Variants in PCDHGB5 observed in about 807,000 individuals in gnomAD.
The protein encoded by PCDHGB5 is protocadherin gamma-B5.
In PCDHGB5, 48 loss-of-function variants were observed where a neutral mutation model predicts 62.9. That is an observed-to-expected ratio of 0.76 (90% CI 0.61 to 0.97). The LOEUF (loss-of-function observed/expected upper bound fraction) is 0.97, where lower values mean the gene tolerates loss of function less well. PCDHGB5 is among the 50% of genes least tolerant of loss of function. The pLI is 0.00. For synonymous variants in PCDHGB5, 474 were observed against 511.2 expected, an observed-to-expected ratio of 0.93 and a Z score of 0.98; for missense variants, 1,118 against 1,198.6, an observed-to-expected ratio of 0.93 and a Z score of 0.99.
chr5:141,414,193 A>C, intron 1 of PCDHGB5: 1 of 1,610,884 alleles, frequency 6.2e-7, no homozygotes, highest in Admixed American at 1.7e-5. Context: ...AGTGTTGATT[A>C]CAGTAGAAGA....
intron 1 of PCDHGB5, chr5:141,428,444 T>C (rs2097139811): frequency 5.3e-6 from 2 of 379,264 alleles, no homozygotes; most frequent in Non-Finnish European, 1.0e-5. Context: ...AGACCAGGGG[T>C]TTTTCCCAAC....
intron 1 of PCDHGB5, among the ~76,000 whole-genome samples, chr5:141,482,435 A>G (rs2099559555): frequency 6.6e-6 from 1 of 150,568 alleles, no homozygotes; most frequent in South Asian, 2.1e-4. Flanking sequence ...GATAATACTG[A>G]TATTCACCAT....
In PCDHGB5 at chr5:141,489,597, A is replaced by G; in HGVS notation, c.2398-5210A>G. 6.2e-7 allele frequency: 1 copy of G among 1,614,100 alleles called. No individual in the cohort carries two copies. The highest frequency in any genetic ancestry group is 1.3e-5 in the African/African-American group (1 of 75,040). ...AACACCCCCTGGAGCTAATCCGTGTAGAGGTAGAGATCCTGGATCTCAATG... is the reference window on the plus strand; with the variant it reads ...AACACCCCCTGGAGCTAATCCGTGTGGAGGTAGAGATCCTGGATCTCAATG... On this transcript the variant is annotated intron_variant, in intron 1 of 3. Transcript: ENST00000617380. The surrounding 1 kb of genome is among the most constrained non-coding windows in gnomAD (Gnocchi z 4.5).
chr5:141,466,496 GCA>G (rs2099123596), intron 1 of PCDHGB5, among the ~76,000 whole-genome samples: 1 of 152,120 alleles, frequency 6.6e-6, no homozygotes. Context: ...TTTAATTAGA[GCA>G]CAGACAAGAT....
rs561329093 is a variant in PCDHGB5 at position 141,509,163 on chromosome 5, C to A, written c.2546-1784C>A. Among the ~76,000 whole-genome samples the A allele has an allele frequency of 1.4e-4, 21 of 152,322 alleles. No individual in the cohort carries two copies. In the South Asian group the frequency reaches 4.1e-3, roughly 30 times the overall value. On this transcript the variant is annotated intron_variant, in intron 3 of 3. Coordinates refer to ENST00000617380, the MANE Select transcript of PCDHGB5 (RefSeq NM_018925.3). ...CATCCCGGCTCTCCCCTCCCGTGTG[C>A]CCTCCTCCTCTTATGCCGGCTTGAA...
rs1302496204 is a variant in PCDHGB5, at chr5:141,413,214, T to A, written c.2397+12690T>A. On this transcript the variant is annotated intron_variant, in intron 1 of 3. Coordinates refer to ENST00000617380, the MANE Select transcript of PCDHGB5 (RefSeq NM_018925.3). ...GGAATCGCTCAAAGGAATCAAAGGA[T>A]TGCAGCGGGCTGGTCCTGCTCTGCC... 6 of 1,613,176 alleles carry A rather than the reference T, an allele frequency of 3.7e-6. No homozygotes were observed. The African/African-American group carries it at 8.0e-5, about 22-fold the overall frequency.
At position 141,477,118 on chromosome 5, in the gene PCDHGB5, A is replaced by T. The variant is rs2099405787; in HGVS notation, c.2398-17689A>T. The T allele has an allele frequency of 6.2e-7, 1 of 1,614,228 alleles. No homozygotes were observed. Among genetic ancestry groups the T allele is most frequent in the Non-Finnish European group, 8.5e-7 (1 of 1,180,034 alleles). On this transcript the variant is annotated intron_variant, in intron 1 of 3. Coordinates refer to ENST00000617380, the MANE Select transcript of PCDHGB5 (RefSeq NM_018925.3). This position sits in a 1 kb window ranked among gnomAD's most constrained non-coding sequence, Gnocchi z 4.9. ...ACAAGGGCGCCAATCCCGAAGGAGC[A>T]CATTGCAAAGTGTTGGTGGAGGTTG...
Position 141,432,602 on chromosome 5 carries a change from G to A in PCDHGB5, c.2397+32078G>A. The A allele has an allele frequency of 6.2e-7, 1 of 1,613,966 alleles. No homozygotes were observed. Among genetic ancestry groups the A allele is most frequent in the Non-Finnish European group, 8.5e-7 (1 of 1,179,972 alleles). On this transcript the variant is annotated intron_variant, in intron 1 of 3. Transcript: ENST00000617380. This position sits in a 1 kb window ranked among gnomAD's most constrained non-coding sequence, Gnocchi z 6.0. ...CCGTCTGCTCAAGGCCAGCGAGCCG[G>A]GACTCTTCTCGGTGGGTCTGCACAC...
At chr5:141,427,883 C>T (rs2097084423) in intron 1 of PCDHGB5, 2 of 1,563,700 alleles carry the variant, frequency 1.3e-6, no homozygotes, top group African/African-American at 1.3e-5. Context: ...TGCAGGCCCA[C>T]GACCAGGGCT....
intron 1 of PCDHGB5, among the ~76,000 whole-genome samples, chr5:141,459,880 C>G (rs1240703946): frequency 6.6e-6 from 1 of 152,134 alleles, no homozygotes; most frequent in Non-Finnish European, 1.5e-5. Context: ...TTTAACTGAG[C>G]TGAACGCCTT....
At chr5:141,404,878 T>C (rs748965325) in intron 1 of PCDHGB5, 88 of 1,613,722 alleles carry the variant, frequency 5.5e-5, no homozygotes, top group Non-Finnish European at 7.3e-5. Context: ...AACAGAGCCT[T>C]GTGGTGGCTG....
In PCDHGB5 at chr5:141,476,990, C is replaced by A; in HGVS notation, c.2398-17817C>A. On this transcript the variant is annotated intron_variant, in intron 1 of 3. Coordinates refer to ENST00000617380, the MANE Select transcript of PCDHGB5 (RefSeq NM_018925.3). The surrounding 1 kb of genome is among the most constrained non-coding windows in gnomAD (Gnocchi z 7.6). Reference sequence around the variant, plus strand: ...CGGCAGCCACAACCGCGCCGGCGTGCGGCAACTATTCGCCTTAGACCTTGT... The same window carrying A: ...CGGCAGCCACAACCGCGCCGGCGTGAGGCAACTATTCGCCTTAGACCTTGT... The A allele has an allele frequency of 6.2e-7, 1 of 1,614,220 alleles. No individual in the cohort carries two copies. Among genetic ancestry groups the A allele is most frequent in the South Asian group, 1.1e-5 (1 of 91,090 alleles).
chr5:141,410,234 CG>C, intron 1 of PCDHGB5: 1 of 1,613,984 alleles, frequency 6.2e-7, no homozygotes, highest in Non-Finnish European at 8.5e-7. Context: ...CCTCAGCGAC[CG>C]CCCTGTACTC....
intron 1 of PCDHGB5, chr5:141,414,260 A>G: frequency 6.2e-7 from 1 of 1,613,444 alleles, no homozygotes; most frequent in Non-Finnish European, 8.5e-7. Context: ...CCAGTGACTG[A>G]AGATTCACCT....
At position 141,486,415 on chromosome 5, in the gene PCDHGB5, T is replaced by C. The variant is rs745877804; in HGVS notation, c.2398-8392T>C. On this transcript the variant is annotated intron_variant, in intron 1 of 3. Transcript: ENST00000617380. The surrounding 1 kb of genome is among the most constrained non-coding windows in gnomAD (Gnocchi z 5.0). ...CCCTGGTGACTGCTGGACCCTTGGA[T>C]CGAGAGGCCAAATCTAGCTATGACA... 6.2e-7 allele frequency: 1 copy of C among 1,614,176 alleles called. No individual in the cohort carries two copies. The highest frequency in any genetic ancestry group is 8.5e-7 in the Non-Finnish European group (1 of 1,180,022).
rs763001349 is a variant in PCDHGB5 at position 141,398,988 on chromosome 5, C to A, written c.861C>A (p.Ile287=). 1.9e-6 allele frequency: 3 copies of A among 1,613,832 alleles called. No homozygotes were observed. The African/African-American group carries it at 4.0e-5, about 22-fold the overall frequency. Residue 287 remains isoleucine, a synonymous_variant, in exon 1 of 4, where the codon ATC becomes ATA. Coordinates refer to ENST00000617380, the MANE Select transcript of PCDHGB5 (RefSeq NM_018925.3). Reference sequence around the variant, plus strand: ...ATTCCTTCTACAGAACCGGGCAAATCTTTAGTCTGAATTCAAAGAGCGGAG... The same window carrying A: ...ATTCCTTCTACAGAACCGGGCAAATATTTAGTCTGAATTCAAAGAGCGGAG... ...ITYSFYRTGQ[I]FSLNSKSGEI...
At chr5:141,437,393 G>T (rs1034237295) in intron 1 of PCDHGB5, among the ~76,000 whole-genome samples, 3 of 152,180 alleles carry the variant, frequency 2.0e-5, no homozygotes, top group Admixed American at 6.5e-5. Flanking sequence ...TTCATCCACT[G>T]CTTTCATTCC....
rs958652662 is a variant in PCDHGB5, at chr5:141,494,839, T to C, written c.2430T>C (p.Ser810=). 6.2e-7 allele frequency: 1 copy of C among 1,614,106 alleles called. No individual in the cohort carries two copies. Among genetic ancestry groups the C allele is most frequent in the Non-Finnish European group, 8.5e-7 (1 of 1,180,016 alleles). ...QAPPNTDWRF[S]QAQRPGTSGS... ...CGCCCAACACGGACTGGCGTTTCTC[T>C]CAGGCCCAGAGACCCGGCACCAGCG... The change falls in exon 2 of 4, where the codon TCT becomes TCC. Residue 810 remains serine (S), a synonymous_variant. Coordinates refer to ENST00000617380, the MANE Select transcript of PCDHGB5 (RefSeq NM_018925.3).
At chr5:141,415,012 C>T (rs1451963535) in intron 1 of PCDHGB5, 2 of 1,613,644 alleles carry the variant, frequency 1.2e-6, no homozygotes, top group South Asian at 1.1e-5. Context: ...CTACCGTCTG[C>T]TCAAGGCCAG....
Sources: allele counts gnomAD v4.1 joint callset (sites outside exome capture counted in the v4.1 genomes callset), GRCh38; gene constraint gnomAD v4.1.1; non-coding constraint Gnocchi (gnomAD v3.1); transcripts MANE v1.5; gene names NCBI Gene and HGNC (gene_info 2026-07-23, HGNC 2026-07-21).